The following FCER1A variants were observed in gnomAD, a reference collection of about 807,000 sequenced individuals.
FCER1A encodes Fc epsilon receptor Ia, also known as high affinity immunoglobulin epsilon receptor subunit alpha.
Under a neutral mutation model 23.6 loss-of-function variants are expected in FCER1A, and 24 were observed. The ratio of observed to expected loss-of-function variants is 1.02; its 90% CI spans 0.74 to 1.43. FCER1A has a LOEUF of 1.43. Among genes scored for constraint, FCER1A ranks in the 40% most tolerant of loss-of-function variants. FCER1A has a pLI of 0.00. For synonymous variants in FCER1A, 121 were observed against 108.8 expected (o/e 1.11, Z -0.70); for missense variants, 318 against 294.5 (o/e 1.08, Z -0.58).
At chr1:159,299,132 G>A (rs1652366679), upstream of FCER1A, among the ~76,000 whole-genome samples, 1 of 152,192 alleles carries the variant, frequency 6.6e-6, no homozygotes, top group South Asian at 2.1e-4. Context: ...GTTGGTAGTA[G>A]GAGGAAAATA....
chr1:159,300,914 T>C (rs914118074), upstream of FCER1A, among the ~76,000 whole-genome samples: 3 of 152,152 alleles, frequency 2.0e-5, no homozygotes, highest in African/African-American at 7.2e-5. Flanking sequence ...ACAAACAACT[T>C]GTACTTTTCA....
chr1:159,285,113 G>T (rs1651983413), upstream of FCER1A, among the ~76,000 whole-genome samples: 1 of 152,114 alleles, frequency 6.6e-6, no homozygotes, highest in East Asian at 1.9e-4. Context: ...GTTAGGAGGG[G>T]AGATGGTCTT....
intron 1 of FCER1A, among the ~76,000 whole-genome samples, chr1:159,291,485 T>A (rs1189869014): frequency 6.6e-6 from 1 of 152,146 alleles, no homozygotes; most frequent in African/African-American, 2.4e-5. Context: ...TGCAAAACAA[T>A]TTAAAAAAAT....
chr1:159,307,778 T>A lies in FCER1A; in HGVS notation c.620T>A (p.Phe207Tyr), dbSNP rs763119646. Residue 207 changes from phenylalanine (F) to tyrosine (Y), a missense_variant, in exon 5 of 5, where the codon TTT (phenylalanine) becomes TAT (tyrosine). By Grantham distance (22) the Phe-to-Tyr change is conservative. Transcript: ENST00000693622. ...CGTGAGAAGTACTGGCTACAATTTT[T>A]TATCCCATTGTTGGTGGTGATTCTG... ...APREKYWLQF[F>Y]IPLLVVILFA... 1.2e-5 allele frequency: 19 copies of A among 1,611,802 alleles called. No homozygotes were observed. The highest frequency in any genetic ancestry group is 1.7e-5 in the Admixed American group (1 of 60,004).
rs1249536696 is a variant in FCER1A, at chr1:159,307,818, A to AACAAACAGATTATTTTTGTTTGT, written c.660_661insACAAACAGATTATTTTTGTTTGT (p.Gly221ThrfsTer22). ...TGGTGATTCTGTTTGCTGTGGACAC[A>AACAAACAGATTATTTTTGTTTGT]GGATTATTTATCTCAACTCAGCAGC... On this transcript the variant is annotated frameshift_variant, in exon 5 of 5. Transcript: ENST00000693622. LOFTEE classifies it low-confidence loss of function (END_TRUNC). 6.2e-7 allele frequency: 1 copy of AACAAACAGATTATTTTTGTTTGT among 1,613,214 alleles called. No individual in the cohort carries two copies. The highest frequency in any genetic ancestry group is 1.3e-5 in the African/African-American group (1 of 74,916).
intron 2 of FCER1A, 103 bp from the exon 3 acceptor site, chr1:159,303,825 A>T: frequency 1.2e-6 from 1 of 855,426 alleles, no homozygotes; most frequent in Non-Finnish European, 1.8e-6. Flanking sequence ...CAGGTTGACC[A>T]CTGATTGTCA....
upstream of FCER1A, among the ~76,000 whole-genome samples, chr1:159,287,514 A>G (rs565665943): frequency 1.3e-5 from 2 of 152,172 alleles, no homozygotes; most frequent in South Asian, 4.1e-4. Flanking sequence ...TTTCCTAAGT[A>G]CAGATGCAAA....
chr1:159,294,514 A>C (rs1290086058), intron 1 of FCER1A, among the ~76,000 whole-genome samples: 2 of 152,170 alleles, frequency 1.3e-5, no homozygotes, highest in African/African-American at 4.8e-5. Context: ...TCTATGGAGC[A>C]ACATTATTTA....
upstream of FCER1A, among the ~76,000 whole-genome samples, chr1:159,299,781 A>G (rs114080068): frequency 0.017 from 2,551 of 151,938 alleles, 81 homozygotes; most frequent in African/African-American, 0.056. Flanking sequence ...TTTTTTATAT[A>G]TAAGATAAAA....
intron 2 of FCER1A, among the ~76,000 whole-genome samples, chr1:159,303,576 G>A (rs1187571774): frequency 1.3e-5 from 2 of 152,154 alleles, no homozygotes; most frequent in Non-Finnish European, 2.9e-5. Flanking sequence ...GGTTGAACAT[G>A]GCAGACAGTG....
At chr1:159,283,770 A>C in the FCER1A span, among the ~76,000 whole-genome samples, 1 of 152,146 alleles carries the variant, frequency 6.6e-6, no homozygotes, top group Non-Finnish European at 1.5e-5. Flanking sequence ...CCAGGGAAAA[A>C]AATACAGTCT....
chr1:159,301,278 A>G (rs755001612), upstream of FCER1A, among the ~76,000 whole-genome samples: 3 of 152,232 alleles, frequency 2.0e-5, no homozygotes, highest in Admixed American at 2.0e-4. Context: ...ATGACAAGCC[A>G]CTATAGACAT....
upstream of FCER1A, among the ~76,000 whole-genome samples, chr1:159,289,262 G>A (rs1416975401): frequency 6.6e-6 from 1 of 152,164 alleles, no homozygotes; most frequent in Non-Finnish European, 1.5e-5. Context: ...GGCAAGATAG[G>A]AGAGTGAAGG....
intron 1 of FCER1A, among the ~76,000 whole-genome samples, chr1:159,296,222 G>A (rs1652289682): frequency 6.6e-6 from 1 of 151,860 alleles, no homozygotes; most frequent in Non-Finnish European, 1.5e-5. Flanking sequence ...TTTTAAGGAA[G>A]CCCCCTTAAA....
At chr1:159,288,138 A>G (rs1379492685), upstream of FCER1A, among the ~76,000 whole-genome samples, 1 of 152,208 alleles carries the variant, frequency 6.6e-6, no homozygotes, top group Non-Finnish European at 1.5e-5. Context: ...GCTTACATTC[A>G]CCAGAAAGTG....
At chr1:159,295,878 C>A (rs2102221111) in intron 1 of FCER1A, among the ~76,000 whole-genome samples, 1 of 152,190 alleles carries the variant, frequency 6.6e-6, no homozygotes, top group South Asian at 2.1e-4. Flanking sequence ...GAGAATATTG[C>A]TGTGAAACTG....
At chr1:159,294,502 C>T (rs1398988232) in intron 1 of FCER1A, among the ~76,000 whole-genome samples, 4 of 152,112 alleles carry the variant, frequency 2.6e-5, no homozygotes, top group Non-Finnish European at 4.4e-5. Context: ...TGTCCTTGTA[C>T]GTCTATGGAG....
intron 1 of FCER1A, among the ~76,000 whole-genome samples, chr1:159,293,775 T>G (rs1481813038): frequency 1.3e-5 from 2 of 152,054 alleles, no homozygotes; most frequent in Non-Finnish European, 2.9e-5. Context: ...TGCCACATTT[T>G]CTTAATCCAG....
upstream of FCER1A, among the ~76,000 whole-genome samples, chr1:159,298,288 C>A (rs978289075): frequency 5.9e-5 from 9 of 152,134 alleles, no homozygotes; most frequent in African/African-American, 2.2e-4. Flanking sequence ...CCCTCCAAAT[C>A]TCATGTTGAA....
Sources: allele counts gnomAD v4.1 joint callset (sites outside exome capture counted in the v4.1 genomes callset), GRCh38; gene constraint gnomAD v4.1.1; transcripts MANE v1.5; gene names NCBI Gene and HGNC (gene_info 2026-07-23, HGNC 2026-07-21).